Variants in RANBP2 observed in about 807,000 individuals in gnomAD.
RANBP2 encodes E3 SUMO-protein ligase RanBP2.
Under a neutral mutation model 303.6 loss-of-function variants are expected in RANBP2, and 57 were observed. The observed-to-expected ratio is 0.19, with a 90% confidence interval of 0.15 to 0.23. The LOEUF (loss-of-function observed/expected upper bound fraction) is 0.23. RANBP2 is among the 10% of genes least tolerant of loss of function. The probability of loss-of-function intolerance (pLI) is 1.00; values close to 1 mark genes in which losing one functional copy is unlikely to be tolerated. For missense variants in RANBP2, 3,138 were observed against 3,780.8 expected (o/e 0.83, Z 4.46); for synonymous variants, 1,167 against 1,301.5 (o/e 0.90, Z 2.23).
At chr2:109,135,568 G>T in the RANBP2 span, among the ~76,000 whole-genome samples, 1 of 152,192 alleles carries the variant, frequency 6.6e-6, no homozygotes, top group Non-Finnish European at 1.5e-5. Context: ...CACGCGTGAG[G>T]CACACCTCAG....
chr2:109,473,870 C>T, the RANBP2 span, among the ~76,000 whole-genome samples: 1 of 152,174 alleles, frequency 6.6e-6, no homozygotes. Flanking sequence ...TCCTTGTGCC[C>T]CTGAACCGCT....
the RANBP2 span, among the ~76,000 whole-genome samples, chr2:109,269,777 G>A: frequency 6.6e-6 from 1 of 152,196 alleles, no homozygotes; most frequent in Admixed American, 6.5e-5. Flanking sequence ...GCCGGGAGGG[G>A]TGAGGGGAAC....
At chr2:109,401,516 G>A in the RANBP2 span, among the ~76,000 whole-genome samples, 2 of 152,160 alleles carry the variant, frequency 1.3e-5, no homozygotes, top group African/African-American at 4.8e-5. Context: ...TGCCTATCCT[G>A]ACAAGTATCT....
the RANBP2 span, among the ~76,000 whole-genome samples, chr2:109,699,326 C>A: frequency 2.0e-5 from 3 of 152,046 alleles, no homozygotes; most frequent in Admixed American, 6.6e-5. Flanking sequence ...ACAGTTGACT[C>A]GTGAACAATG....
chr2:109,664,861 T>C, the RANBP2 span, among the ~76,000 whole-genome samples: 1 of 150,392 alleles, frequency 6.6e-6, no homozygotes, highest in Non-Finnish European at 1.5e-5. Flanking sequence ...ACCTGGGAGG[T>C]AGAGGTTTTA....
chr2:108,823,537 G>C, the RANBP2 span, among the ~76,000 whole-genome samples: 3 of 152,186 alleles, frequency 2.0e-5, no homozygotes, highest in African/African-American at 4.8e-5. Context: ...TACCAGCCTA[G>C]GCTATATTAG....
chr2:109,466,266 A>G, the RANBP2 span, among the ~76,000 whole-genome samples: 1 of 151,926 alleles, frequency 6.6e-6, no homozygotes, highest in South Asian at 2.1e-4. Context: ...TATTTTTAGT[A>G]GAGACGGGGT....
At chr2:109,556,640 T>A in the RANBP2 span, among the ~76,000 whole-genome samples, 3 of 151,972 alleles carry the variant, frequency 2.0e-5, no homozygotes, top group African/African-American at 7.2e-5. Flanking sequence ...TATCAGGCCT[T>A]TTTTTTTCTG....
At chr2:109,100,468 A>G in the RANBP2 span, among the ~76,000 whole-genome samples, 1 of 152,202 alleles carries the variant, frequency 6.6e-6, no homozygotes. Context: ...ATTATCTTCC[A>G]CAAAATTGGT....
the RANBP2 span, among the ~76,000 whole-genome samples, chr2:109,274,945 A>G: frequency 2.0e-5 from 3 of 152,062 alleles, no homozygotes; most frequent in African/African-American, 7.3e-5. Context: ...TGAATTGTTC[A>G]CTTTAAAATG....
At chr2:109,712,270 G>T in the RANBP2 span, among the ~76,000 whole-genome samples, 1 of 152,036 alleles carries the variant, frequency 6.6e-6, no homozygotes, top group African/African-American at 2.4e-5. Flanking sequence ...GGATCCTGCC[G>T]GCCCTGCCTG....
chr2:108,994,011 C>T, the RANBP2 span, among the ~76,000 whole-genome samples: 1 of 152,116 alleles, frequency 6.6e-6, no homozygotes, highest in Non-Finnish European at 1.5e-5. Flanking sequence ...CCATCTCTAG[C>T]CTCCATGACC....
the RANBP2 span, among the ~76,000 whole-genome samples, chr2:109,046,870 G>A: frequency 1.3e-5 from 2 of 151,862 alleles, no homozygotes; most frequent in African/African-American, 4.8e-5. Context: ...AGTGGAGAGG[G>A]GAGCAGGAAA....
chr2:109,000,163 C>T, the RANBP2 span, among the ~76,000 whole-genome samples: 20 of 152,272 alleles, frequency 1.3e-4, no homozygotes, highest in East Asian at 3.5e-3. Context: ...AGGGCCATAA[C>T]GGTGTTCCAG....
chr2:108,925,775 G>A, the RANBP2 span, among the ~76,000 whole-genome samples: 5 of 152,036 alleles, frequency 3.3e-5, no homozygotes, highest in South Asian at 2.1e-4. Context: ...GCACCACGAC[G>A]CCTGGCTAAT....
chr2:109,266,604 G>A, the RANBP2 span, among the ~76,000 whole-genome samples: 1 of 152,062 alleles, frequency 6.6e-6, no homozygotes, highest in South Asian at 2.1e-4. Context: ...AGACCTTGGA[G>A]TGCAGAGCAG....
At chr2:109,477,307 C>T in the RANBP2 span, among the ~76,000 whole-genome samples, 1 of 152,308 alleles carries the variant, frequency 6.6e-6, no homozygotes, top group Admixed American at 6.5e-5. Flanking sequence ...CCTTCACGCC[C>T]AAAGACCATG....
At chr2:109,156,222 G>A in the RANBP2 span, among the ~76,000 whole-genome samples, 1 of 152,230 alleles carries the variant, frequency 6.6e-6, no homozygotes, top group Non-Finnish European at 1.5e-5. Flanking sequence ...GTTGTGGGTT[G>A]AGGGGGCTGG....
rs747819007 is a variant in RANBP2, at chr2:108,763,801, C to T, written c.3262C>T (p.Pro1088Ser). 70 of 1,613,956 alleles carry T rather than the reference C, an allele frequency of 4.3e-5. No individual in the cohort carries two copies. The highest frequency in any genetic ancestry group is 5.6e-5 in the Non-Finnish European group (66 of 1,179,990). Residue 1088 changes from proline (P) to serine (S), a missense_variant, in exon 20 of 29, where the codon CCT becomes TCT. Pro to Ser is a moderately conservative substitution (Grantham distance 74). Coordinates refer to ENST00000283195, the MANE Select transcript of RANBP2 (RefSeq NM_006267.5). ...GDGYSGAKPI[P>S]GGQTIGPRNT... is the part of the protein sequence containing the mutation. ...TGGCTATAGTGGAGCCAAACCAATTCCTGGTGGTCAAACCATTGGGCCTCG... is the reference window on the plus strand; with the variant it reads ...TGGCTATAGTGGAGCCAAACCAATTTCTGGTGGTCAAACCATTGGGCCTCG...
Sources: allele counts gnomAD v4.1 joint callset (sites outside exome capture counted in the v4.1 genomes callset), GRCh38; gene constraint gnomAD v4.1.1; transcripts MANE v1.5; gene names NCBI Gene and HGNC (gene_info 2026-07-23, HGNC 2026-07-21).